The following CTDP1 variants were observed in gnomAD, a reference collection of about 807,000 sequenced individuals.
The protein encoded by CTDP1 is RNA polymerase II subunit A C-terminal domain phosphatase.
Under a neutral mutation model 91.8 loss-of-function variants are expected in CTDP1, and 47 were observed. The ratio of observed to expected loss-of-function variants is 0.51; its 90% CI spans 0.41 to 0.65. CTDP1 has a LOEUF of 0.65. Among genes scored for constraint, CTDP1 ranks in the 30% least tolerant of loss-of-function variants. The probability of loss-of-function intolerance (pLI) is 0.00; values close to 1 mark genes in which losing one functional copy is unlikely to be tolerated. For synonymous variants in CTDP1, 656 were observed against 598.5 expected, an observed-to-expected ratio of 1.10 and a Z score of -1.40; for missense variants, 1,272 against 1,373.7, an observed-to-expected ratio of 0.93 and a Z score of 1.17.
chr18:79,707,095 AG>A (rs943140472), intron 5 of CTDP1, among the ~76,000 whole-genome samples: 28 of 152,232 alleles, frequency 1.8e-4, no homozygotes, highest in African/African-American at 6.8e-4. Context: ...AGAGCACACA[AG>A]CCCCAGTGAG....
chr18:79,699,798 G>T (rs1289075425), intron 4 of CTDP1, among the ~76,000 whole-genome samples: 1 of 152,120 alleles, frequency 6.6e-6, no homozygotes, highest in Admixed American at 6.5e-5. Flanking sequence ...TGGCGAGCAC[G>T]TCTGCAGGTG....
chr18:79,688,797 C>T (rs941384267), intron 1 of CTDP1, among the ~76,000 whole-genome samples: 1 of 152,254 alleles, frequency 6.6e-6, no homozygotes, highest in African/African-American at 2.4e-5. Context: ...GCCTCAGCCT[C>T]GCTAAGTGCT....
intron 1 of CTDP1, among the ~76,000 whole-genome samples, chr18:79,689,768 G>A (rs953467212): frequency 1.3e-5 from 2 of 152,172 alleles, no homozygotes; most frequent in Admixed American, 6.5e-5. Context: ...GTGACGGAGC[G>A]AGACTCCGTC....
chr18:79,728,123 G>A (rs1320403435), intron 10 of CTDP1, among the ~76,000 whole-genome samples: 1 of 151,748 alleles, frequency 6.6e-6, no homozygotes, highest in African/African-American at 2.4e-5. Context: ...TTTTTAAGGT[G>A]GAGTCTTGCT....
intron 12 of CTDP1, among the ~76,000 whole-genome samples, chr18:79,751,738 G>T (rs537571125): frequency 6.6e-6 from 1 of 152,232 alleles, no homozygotes; most frequent in Admixed American, 6.5e-5. Flanking sequence ...TATAGTTTGT[G>T]TGTGAGCCTC....
In CTDP1 at chr18:79,679,986, C is replaced by T. The variant is rs1473406754; in HGVS notation, c.39C>T (p.Gly13=). Residue 13 remains glycine (G), a synonymous_variant, in exon 1 of 13, where the codon GGC becomes GGT. Transcript: ENST00000613122. ...CCGCGGGTCGCGTTCCTGCCGAGGG[C>T]GCCCCGACGGCGGCTGTGGCCGAGG... The part of the protein sequence containing the change: ...VPAAGRVPAE[G]APTAAVAEVR... 22 of 1,347,464 alleles carry T rather than the reference C, an allele frequency of 1.6e-5. No homozygotes were observed. The highest frequency in any genetic ancestry group is 3.3e-5 in the East Asian group (1 of 30,346). The allele number at this position is 1,347,464 out of a possible 1,614,324, so 83.5% of individuals were successfully genotyped here. A position where few individuals can be genotyped will look rare whatever the true frequency, so the allele number is the denominator to read the frequency against.
At chr18:79,721,862 C>G (rs1326692163) in intron 10 of CTDP1, among the ~76,000 whole-genome samples, 1 of 148,996 alleles carries the variant, frequency 6.7e-6, no homozygotes. Context: ...CTTGCTCCAT[C>G]GTCCAGGCTG....
chr18:79,734,074 GT>G (rs59789803), intron 11 of CTDP1, among the ~76,000 whole-genome samples: 1 of 152,220 alleles, frequency 6.6e-6, no homozygotes, highest in Admixed American at 6.5e-5. Flanking sequence ...AGTGACGTGT[GT>G]TTGGTAGAAA....
At chr18:79,693,308 T>C (rs1036327763) in intron 1 of CTDP1, among the ~76,000 whole-genome samples, 2 of 152,152 alleles carry the variant, frequency 1.3e-5, no homozygotes, top group African/African-American at 4.8e-5. Flanking sequence ...TCTCTGCTCA[T>C]TGGGGCATTT....
intron 10 of CTDP1, among the ~76,000 whole-genome samples, chr18:79,719,120 C>T (rs1034120341): frequency 1.3e-5 from 2 of 152,220 alleles, no homozygotes; most frequent in Admixed American, 6.5e-5. Context: ...CGCGGCAAAG[C>T]CCAGCCGGCT....
intron 12 of CTDP1, among the ~76,000 whole-genome samples, chr18:79,742,509 C>T (rs2086801260): frequency 6.6e-6 from 1 of 152,254 alleles, no homozygotes; most frequent in Non-Finnish European, 1.5e-5. Flanking sequence ...CTAAAGGAAG[C>T]TCTTCAGGCT....
At chr18:79,748,497 G>A (rs911663999) in intron 12 of CTDP1, among the ~76,000 whole-genome samples, 2 of 152,220 alleles carry the variant, frequency 1.3e-5, no homozygotes, top group Non-Finnish European at 2.9e-5. Context: ...CCTGTCTCCC[G>A]AGTCAGCTAC....
At chr18:79,681,600 A>G (rs2085370680) in intron 1 of CTDP1, 2 of 503,792 alleles carry the variant, frequency 4.0e-6, no homozygotes, top group South Asian at 8.5e-5. Context: ...CCAGTGCATC[A>G]GTCAGTCAGC....
At chr18:79,723,312 G>A (rs1568203612) in intron 10 of CTDP1, among the ~76,000 whole-genome samples, 1 of 152,134 alleles carries the variant, frequency 6.6e-6, no homozygotes, top group Non-Finnish European at 1.5e-5. Flanking sequence ...CATATGTTGT[G>A]TGCATTGGTT....
At chr18:79,732,578 T>G (rs2086588040) in intron 11 of CTDP1, among the ~76,000 whole-genome samples, 3 of 145,350 alleles carry the variant, frequency 2.1e-5, no homozygotes, top group Admixed American at 6.8e-5. Flanking sequence ...AGAACTCACA[T>G]CAGGAGTGCT....
intron 10 of CTDP1, among the ~76,000 whole-genome samples, chr18:79,718,897 G>A (rs546769724): frequency 3.9e-5 from 6 of 152,258 alleles, no homozygotes; most frequent in South Asian, 2.1e-4. Context: ...AGAGGGAGAC[G>A]GGTGCTCACG....
intron 6 of CTDP1, among the ~76,000 whole-genome samples, chr18:79,710,735 C>G (rs114292206): frequency 8.1e-5 from 9 of 111,388 alleles, no homozygotes; most frequent in Non-Finnish European, 1.4e-4. Flanking sequence ...TTAGTACAGA[C>G]GGTGGTTTCA....
At chr18:79,705,032 G>C in intron 5 of CTDP1, 115 bp downstream of exon 5, 1 of 1,509,874 alleles carries the variant, frequency 6.6e-7, no homozygotes, top group Non-Finnish European at 9.0e-7. Flanking sequence ...CTCAGTTGTA[G>C]TCTTAGGGTT....
At chr18:79,755,831 A>C (rs1369064386), downstream of CTDP1, 1 of 152,662 alleles carries the variant, frequency 6.6e-6, no homozygotes, top group Non-Finnish European at 1.5e-5. Flanking sequence ...GGTCTGGCCT[A>C]GGGGTGAAGA....
Sources: gnomAD v4.1 joint callset for allele counts (sites outside exome capture counted in the v4.1 genomes callset) on GRCh38, gnomAD v4.1.1 for gene constraint, MANE v1.5 for transcripts, NCBI Gene and HGNC (gene_info 2026-07-23, HGNC 2026-07-21) for gene names.